HIP1: variants seen among roughly 807,000 people sequenced by gnomAD.
HIP1 encodes the protein huntingtin-interacting protein 1.
A neutral mutation model predicts 147.6 loss-of-function variants in HIP1; 65 were observed. The observed-to-expected ratio is 0.44, with a 90% CI of 0.36 to 0.54. HIP1 has a LOEUF of 0.54. Among genes scored for constraint, HIP1 ranks in the 20% least tolerant of loss-of-function variants. The pLI, the probability that HIP1 is intolerant of heterozygous loss-of-function variation, is 0.00. For missense variants in HIP1, 1,061 were observed against 1,299.6 expected (o/e 0.82, Z 2.82); for synonymous variants, 479 against 504.0 (o/e 0.95, Z 0.67).
chr7:75,729,528 G>A (rs1801766848), intron 1 of HIP1, among the ~76,000 whole-genome samples: 1 of 151,930 alleles, frequency 6.6e-6, no homozygotes, highest in Non-Finnish European at 1.5e-5. Context: ...GCTCACGCCT[G>A]TATTCCCAGT....
chr7:75,556,823 G>T lies in HIP1; in HGVS notation c.1582-12C>A. The T allele has an allele frequency of 1.3e-6, 2 of 1,503,296 alleles. No homozygotes were observed. Among genetic ancestry groups the T allele is most frequent in the African/African-American group, 1.4e-5 (1 of 72,768 alleles). 93.1% of individuals were successfully genotyped at this position (1,503,296 alleles called of 1,614,324 possible). ...AGCTGTTCTTGAGTCTGAAAGAGAAGAAAAACAGAGGGACTCTGATCTGGG... is the reference window on the plus strand; with the variant it reads ...AGCTGTTCTTGAGTCTGAAAGAGAATAAAAACAGAGGGACTCTGATCTGGG... On this transcript the variant is annotated splice_polypyrimidine_tract_variant and intron_variant, in intron 16 of 30. Transcript: ENST00000336926.
intron 1 of HIP1, among the ~76,000 whole-genome samples, chr7:75,650,481 C>A (rs1798937161): frequency 9.2e-6 from 1 of 108,426 alleles, no homozygotes; most frequent in South Asian, 2.6e-4. Context: ...GAGACAGAGT[C>A]TCCCTCTGTC....
At chr7:75,603,329 CAG>C (rs1797079537) in intron 1 of HIP1, among the ~76,000 whole-genome samples, 1 of 122,670 alleles carries the variant, frequency 8.2e-6, no homozygotes, top group Non-Finnish European at 1.6e-5. Context: ...GCCTGGGTGA[CAG>C]AGCGAGACTC....
At chr7:75,611,348 T>A (rs1584878107) in intron 1 of HIP1, among the ~76,000 whole-genome samples, 1 of 151,600 alleles carries the variant, frequency 6.6e-6, no homozygotes, top group South Asian at 2.1e-4. Context: ...GTGCCTGTAG[T>A]CCCAGCCACT....
chr7:75,542,569 G>T (rs1284314820), intron 28 of HIP1, among the ~76,000 whole-genome samples: 13 of 151,936 alleles, frequency 8.6e-5, no homozygotes, highest in Admixed American at 7.2e-4. Context: ...CATGGTGGCG[G>T]GCGCCTGTAA....
At chr7:75,690,082 G>T (rs1800396490) in intron 1 of HIP1, among the ~76,000 whole-genome samples, 2 of 152,000 alleles carry the variant, frequency 1.3e-5, no homozygotes, top group African/African-American at 4.8e-5. Context: ...GATCAGCCAT[G>T]GGCAACATGG....
At chr7:75,549,103 G>A in intron 22 of HIP1, 102 bp from the exon 23 acceptor site, 1 of 794,424 alleles carries the variant, frequency 1.3e-6, no homozygotes, top group Non-Finnish European at 2.2e-6. Context: ...AGGCCACCCA[G>A]CAAACACCTT....
chr7:75,609,659 G>A (rs1797355966), intron 1 of HIP1, among the ~76,000 whole-genome samples: 1 of 151,732 alleles, frequency 6.6e-6, no homozygotes, highest in South Asian at 2.1e-4. Flanking sequence ...CCTGGTTCAA[G>A]TGATTCTTCT....
At chr7:75,595,503 C>T (rs1284624386) in intron 2 of HIP1, among the ~76,000 whole-genome samples, 4 of 151,636 alleles carry the variant, frequency 2.6e-5, no homozygotes, top group African/African-American at 9.7e-5. Flanking sequence ...CCACCATGCC[C>T]GGCTAATTTT....
chr7:75,674,844 T>C (rs1334313948), intron 1 of HIP1, among the ~76,000 whole-genome samples: 2 of 151,856 alleles, frequency 1.3e-5, no homozygotes. Context: ...AAATCCCTTG[T>C]ATGTGATGAG....
intron 1 of HIP1, among the ~76,000 whole-genome samples, chr7:75,732,578 G>A (rs961642108): frequency 6.6e-6 from 1 of 152,116 alleles, no homozygotes; most frequent in South Asian, 2.1e-4. Context: ...ACAGGGTCTC[G>A]CTATGTTGCC....
chr7:75,547,103 C>A, intron 24 of HIP1, 71 bp from the exon 25 acceptor site: 1 of 1,291,986 alleles, frequency 7.7e-7, no homozygotes, highest in Non-Finnish European at 1.1e-6. Flanking sequence ...GGTTCTCTTC[C>A]CCACTCCTAG....
At chr7:75,710,303 G>A (rs1554520037) in intron 1 of HIP1, among the ~76,000 whole-genome samples, 1 of 152,110 alleles carries the variant, frequency 6.6e-6, no homozygotes, top group African/African-American at 2.4e-5. Context: ...TTAATGTGGT[G>A]TATTACATTG....
chr7:75,722,022 C>T (rs1052369851), intron 1 of HIP1, among the ~76,000 whole-genome samples: 9 of 152,250 alleles, frequency 5.9e-5, no homozygotes, highest in South Asian at 2.1e-4. Flanking sequence ...AATAACTGCA[C>T]GCTAGGCGTG....
intron 22 of HIP1, among the ~76,000 whole-genome samples, chr7:75,549,372 C>CTTTTTTTTT (rs60654435): frequency 8.3e-6 from 1 of 121,198 alleles, no homozygotes; most frequent in Non-Finnish European, 1.8e-5. Context: ...CTTTTCTTTT[C>CTTTTTTTTT]TTTTTTTTTT....
chr7:75,711,548 A>G (rs1230109878), intron 1 of HIP1, among the ~76,000 whole-genome samples: 1 of 152,222 alleles, frequency 6.6e-6, no homozygotes, highest in Non-Finnish European at 1.5e-5. Flanking sequence ...CAGAACTCCT[A>G]GGATAGTCCT....
intron 1 of HIP1, among the ~76,000 whole-genome samples, chr7:75,610,203 C>CTT (rs35158879): frequency 7.9e-4 from 105 of 133,026 alleles, no homozygotes; most frequent in Admixed American, 2.5e-3. Flanking sequence ...TCATCCAGCC[C>CTT]TTTTTTTTTT....
chr7:75,566,069 C>T (rs1011675522), intron 9 of HIP1, among the ~76,000 whole-genome samples: 1 of 150,398 alleles, frequency 6.6e-6, no homozygotes, highest in South Asian at 2.1e-4. Flanking sequence ...CATTCTGACG[C>T]CCAGGCCTGA....
At position 75,557,666 on chromosome 7, in the gene HIP1, C is replaced by T; in HGVS notation, c.1569G>A (p.Gln523=). The T allele has an allele frequency of 6.2e-7, 1 of 1,613,522 alleles. No homozygotes were observed. Among genetic ancestry groups the T allele is most frequent in the South Asian group, 1.1e-5 (1 of 91,078 alleles). Residue 523 remains glutamine (Q), a synonymous_variant, in exon 16 of 31, where the codon CAG becomes CAA. Transcript: ENST00000336926. ...LEDSLERISD[Q]GQRKTQEQLE... The stretch of plus-strand genomic sequence containing the variant: ...TCGTCCCACTCACCTTCCGCTGGCC[C>T]TGGTCACTGATGCGCTCCAACGAAT...
Sources: gnomAD v4.1 joint callset for allele counts (sites outside exome capture counted in the v4.1 genomes callset) on GRCh38, gnomAD v4.1.1 for gene constraint, MANE v1.5 for transcripts, NCBI Gene and HGNC (gene_info 2026-07-23, HGNC 2026-07-21) for gene names.